The following KCNN2 variants were observed in gnomAD, a reference collection of about 807,000 sequenced individuals.
KCNN2 encodes small conductance calcium-activated potassium channel protein 2.
Under a neutral mutation model 55.5 loss-of-function variants are expected in KCNN2, and 24 were observed. The observed-to-expected ratio is 0.43, with a 90% confidence interval of 0.31 to 0.61. The LOEUF (loss-of-function observed/expected upper bound fraction) is 0.61. Ranked by LOEUF, KCNN2 falls within the 20% of genes least tolerant of loss-of-function variation. The pLI is 0.08. For synonymous variants in KCNN2, 431 were observed against 336.1 expected, an observed-to-expected ratio of 1.28 and a Z score of -3.09; for missense variants, 754 against 853.6, an observed-to-expected ratio of 0.88 and a Z score of 1.45.
At chr5:114,279,431 C>G (rs1345728702) in intron 2 of KCNN2, among the ~76,000 whole-genome samples, 1 of 152,064 alleles carries the variant, frequency 6.6e-6, no homozygotes, top group African/African-American at 2.4e-5. Context: ...GGTATATCTC[C>G]TAATGCTATC....
At chr5:114,159,649 G>A (rs970679532) in intron 1 of KCNN2, among the ~76,000 whole-genome samples, 2 of 151,986 alleles carry the variant, frequency 1.3e-5, no homozygotes, top group Non-Finnish European at 2.9e-5. Context: ...TTTTTTGGTT[G>A]GTAAGCTTTT....
rs1754646992 is a variant in KCNN2, at chr5:114,241,823, T to TATATATATATATAC, written c.-185+20258_-185+20259insATATATATATATAC. Among the ~76,000 whole-genome samples, 2 of 12,328 alleles carry TATATATATATATAC rather than the reference T, an allele frequency of 1.6e-4. 1 individual carries two copies. Among genetic ancestry groups the TATATATATATATAC allele is most frequent in the Non-Finnish European group, 5.0e-4 (2 of 3,978 alleles). The allele number at this position is 12,328 out of a possible 152,430, so 8.1% of individuals were successfully genotyped here. A position where few individuals can be genotyped will look rare whatever the true frequency, so the allele number is the denominator to read the frequency against. ...ATATATACGTATATATATATATGTG[T>TATATATATATATAC]GTATATATATATATATATATATGGA... On this transcript the variant is annotated intron_variant, in intron 2 of 10. Coordinates refer to the KCNN2 transcript ENST00000512097.
intron 2 of KCNN2, among the ~76,000 whole-genome samples, chr5:114,354,001 T>C (rs2150041250): frequency 6.6e-6 from 1 of 152,102 alleles, no homozygotes; most frequent in Non-Finnish European, 1.5e-5. Context: ...TCTTTGAATA[T>C]TTTTTCTGTC....
intron 1 of KCNN2, among the ~76,000 whole-genome samples, chr5:114,145,995 A>T (rs1268885345): frequency 6.6e-6 from 1 of 152,066 alleles, no homozygotes; most frequent in East Asian, 1.9e-4. Flanking sequence ...TCGTTGTTGC[A>T]TGCATCTTCA....
chr5:114,420,536 G>C (rs544277991), intron 3 of KCNN2, among the ~76,000 whole-genome samples: 2 of 152,238 alleles, frequency 1.3e-5, no homozygotes, highest in East Asian at 3.9e-4. Flanking sequence ...TTTTCTTATA[G>C]GAGTCTCTAC....
rs79981188 is a variant in KCNN2, at chr5:114,449,422, A to G, written c.1638-13627A>G. On this transcript the variant is annotated intron_variant, in intron 3 of 7. Transcript: ENST00000673685. ...AAAGTAATGACTTTTCTTTGTATCT[A>G]CTTTTACGTAAATAGAGTACTTGCT... Among the ~76,000 whole-genome samples, 5 of 152,220 alleles carry G rather than the reference A, an allele frequency of 3.3e-5. 1 individual carries two copies. Among genetic ancestry groups the G allele is most frequent in the East Asian group, 1.9e-4 (1 of 5,180 alleles).
intron 2 of KCNN2, among the ~76,000 whole-genome samples, chr5:114,378,498 G>T (rs1758009307): frequency 6.6e-6 from 1 of 152,196 alleles, no homozygotes; most frequent in African/African-American, 2.4e-5. Flanking sequence ...ATTGGGAAGT[G>T]CAGATTTTTG....
chr5:114,382,175 A>G (rs942797018), intron 2 of KCNN2, among the ~76,000 whole-genome samples: 12 of 152,178 alleles, frequency 7.9e-5, no homozygotes, highest in African/African-American at 2.7e-4. Flanking sequence ...GACCTGGCAT[A>G]TATTTTCTTT....
chr5:114,431,596 T>G (rs1488643089), intron 3 of KCNN2, among the ~76,000 whole-genome samples: 1 of 152,066 alleles, frequency 6.6e-6, no homozygotes, highest in East Asian at 1.9e-4. Context: ...TCTGCTCTAA[T>G]TTTTTAATTC....
At chr5:114,101,677 A>T (rs1211533491) in intron 1 of KCNN2, among the ~76,000 whole-genome samples, 1 of 151,700 alleles carries the variant, frequency 6.6e-6, no homozygotes, top group Non-Finnish European at 1.5e-5. Context: ...GAGTGAGAAC[A>T]TGTGGTGTTT....
intron 2 of KCNN2, among the ~76,000 whole-genome samples, chr5:114,280,416 G>A (rs1755599851): frequency 6.6e-6 from 1 of 152,116 alleles, no homozygotes; most frequent in Non-Finnish European, 1.5e-5. Context: ...TTTTCTTCTA[G>A]GATTTTTATG....
At chr5:114,346,784 A>AAC (rs1757111238) in intron 2 of KCNN2, among the ~76,000 whole-genome samples, 1 of 151,620 alleles carries the variant, frequency 6.6e-6, no homozygotes, top group South Asian at 2.1e-4. Context: ...AAAAAAAAAA[A>AAC]AGAACCAGGC....
At chr5:114,379,926 C>T (rs1443085435) in intron 2 of KCNN2, among the ~76,000 whole-genome samples, 1 of 146,206 alleles carries the variant, frequency 6.8e-6, no homozygotes, top group African/African-American at 2.5e-5. Flanking sequence ...TAATATATAC[C>T]ATCTATATTA....
chr5:114,276,347 G>C (rs1407086804), intron 2 of KCNN2, among the ~76,000 whole-genome samples: 1 of 152,142 alleles, frequency 6.6e-6, no homozygotes, highest in Non-Finnish European at 1.5e-5. Context: ...TATTAGGTCT[G>C]CTTGGTCCAG....
chr5:114,464,901 A>G (rs1430913119), intron 4 of KCNN2, among the ~76,000 whole-genome samples: 1 of 151,886 alleles, frequency 6.6e-6, no homozygotes. Context: ...ATTATGTGGT[A>G]TAATGCTTTG....
chr5:114,438,708 T>G (rs924233411), intron 3 of KCNN2, among the ~76,000 whole-genome samples: 1 of 152,212 alleles, frequency 6.6e-6, no homozygotes, highest in African/African-American at 2.4e-5. Flanking sequence ...GTTGTCACTA[T>G]GCCTACCAGC....
chr5:114,304,859 G>A (rs1017200520), intron 2 of KCNN2, among the ~76,000 whole-genome samples: 1 of 152,190 alleles, frequency 6.6e-6, no homozygotes, highest in Admixed American at 6.5e-5. Context: ...TATCTACCAA[G>A]TGCTGTGCTT....
At chr5:114,338,241 G>A (rs1178473997) in intron 2 of KCNN2, among the ~76,000 whole-genome samples, 1 of 152,170 alleles carries the variant, frequency 6.6e-6, no homozygotes, top group African/African-American at 2.4e-5. Flanking sequence ...ACTGAAAACT[G>A]TTTGGAGCTA....
chr5:114,120,083 C>A (rs996942071), intron 1 of KCNN2, among the ~76,000 whole-genome samples: 1 of 152,136 alleles, frequency 6.6e-6, no homozygotes, highest in Non-Finnish European at 1.5e-5. Context: ...CTTTGATCAT[C>A]ATTTATCCAG....
Sources: gnomAD v4.1 joint callset for allele counts (sites outside exome capture counted in the v4.1 genomes callset) on GRCh38, gnomAD v4.1.1 for gene constraint, MANE v1.5 for transcripts, NCBI Gene and HGNC (gene_info 2026-07-23, HGNC 2026-07-21) for gene names.